XDH: variants seen among roughly 807,000 people sequenced by gnomAD.
XDH encodes the protein xanthine dehydrogenase/oxidase.
A neutral mutation model predicts 156.1 loss-of-function variants in XDH; 138 were observed. The observed-to-expected ratio is 0.88, with a 90% CI of 0.77 to 1.02. XDH has a LOEUF of 1.02. Among genes scored for constraint, XDH ranks in the 50% least tolerant of loss-of-function variants. The pLI is 0.00. For synonymous variants in XDH, 669 were observed against 625.7 expected (o/e 1.07, Z -1.03); for missense variants, 1,849 against 1,684.9 (o/e 1.10, Z -1.71).
At chr2:31,382,581 C>T (rs3769618) in intron 11 of XDH, among the ~76,000 whole-genome samples, 51,896 of 151,944 alleles carry the variant, frequency 0.34, 9,040 homozygotes, top group African/African-American at 0.35. Flanking sequence ...GTCTCTGGTT[C>T]TCCCTATAGC....
At chr2:31,385,127 TTGAGGTGAGCTATGGTGACA>T (rs1157379261) in intron 9 of XDH, among the ~76,000 whole-genome samples, 1 of 152,108 alleles carries the variant, frequency 6.6e-6, no homozygotes, top group Non-Finnish European at 1.5e-5. Context: ...GCCCATGAGT[TTGAGGTGAGCTATGGTGACA>T]TTGCACCACT....
At chr2:31,360,941 T>C (rs1685761716) in intron 24 of XDH, among the ~76,000 whole-genome samples, 2 of 152,260 alleles carry the variant, frequency 1.3e-5, no homozygotes, top group South Asian at 4.1e-4. Flanking sequence ...GGGAGACTAC[T>C]GTGTTACATT....
At chr2:31,379,399 C>T (rs561199618) in intron 13 of XDH, among the ~76,000 whole-genome samples, 34 of 152,290 alleles carry the variant, frequency 2.2e-4, no homozygotes, top group Non-Finnish European at 4.1e-4. Context: ...TTCTTTACCA[C>T]GGGAAAGCAA....
At position 31,334,980 on chromosome 2, in the gene XDH, C is replaced by T. The variant is rs1228429306; in HGVS notation, c.*978G>A. The T allele has an allele frequency of 1.3e-5, 2 of 152,160 alleles. No homozygotes were observed. Among genetic ancestry groups the T allele is most frequent in the African/African-American group, 2.4e-5 (1 of 41,428 alleles). 9.4% of individuals were successfully genotyped at this position (152,160 alleles called of 1,614,324 possible). ...AACCTCCTGAGCTCAAATGATCTCT[C>T]CACCTCAGCCTTTCAAGTAGTTGGG... On this transcript the variant is annotated 3_prime_UTR_variant, in exon 36 of 36. Coordinates refer to ENST00000379416, the MANE Select transcript of XDH (RefSeq NM_000379.4).
chr2:31,357,577 G>A (rs765322955), intron 24 of XDH, among the ~76,000 whole-genome samples: 1 of 151,950 alleles, frequency 6.6e-6, no homozygotes, highest in Non-Finnish European at 1.5e-5. Flanking sequence ...GGATAAAATG[G>A]GGATGGTTAA....
intron 22 of XDH, 104 bp from the exon 23 acceptor site, chr2:31,365,648 A>G: frequency 7.4e-7 from 1 of 1,352,482 alleles, no homozygotes; most frequent in Non-Finnish European, 1.1e-6. Flanking sequence ...TTCCACCTGC[A>G]CGCTGAGCAG....
chr2:31,339,031 A>G (rs1018559349), intron 34 of XDH, among the ~76,000 whole-genome samples: 1 of 151,900 alleles, frequency 6.6e-6, no homozygotes, highest in Non-Finnish European at 1.5e-5. Flanking sequence ...AGCCTGATCA[A>G]GTCTTAAGGT....
chr2:31,392,779 C>T (rs1686802610), intron 6 of XDH, among the ~76,000 whole-genome samples: 1 of 152,174 alleles, frequency 6.6e-6, no homozygotes. Context: ...ATAAATTTCC[C>T]TCTAAGCATT....
At chr2:31,395,865 G>T (rs1686889581) in intron 6 of XDH, among the ~76,000 whole-genome samples, 1 of 152,140 alleles carries the variant, frequency 6.6e-6, no homozygotes, top group Non-Finnish European at 1.5e-5. Context: ...AGACTCCTAA[G>T]CTGCTTACAT....
Position 31,342,265 on chromosome 2 carries a change from T to G in XDH, c.3437A>C (p.Asn1146Thr). The change falls in exon 32 of 36, where the codon AAC (asparagine) becomes ACC (threonine). Residue 1146 changes from asparagine to threonine, a missense_variant. By Grantham distance (65) the Asn-to-Thr change is moderately conservative. Coordinates refer to ENST00000379416, the MANE Select transcript of XDH (RefSeq NM_000379.4). The stretch of plus-strand genomic sequence containing the variant: ...GAAGTAGTGGAAGGGGTTCCCTGAG[T>G]TAGTCTCAAAGCTGTAGCCCAGATT... ...TPNLGYSFET[N>T]SGNPFHYFSY... The G allele has an allele frequency of 6.2e-7, 1 of 1,614,106 alleles. No individual in the cohort carries two copies. The highest frequency in any genetic ancestry group is 1.1e-5 in the South Asian group (1 of 91,072).
At chr2:31,381,124 G>A (rs1686427238) in intron 12 of XDH, among the ~76,000 whole-genome samples, 1 of 151,904 alleles carries the variant, frequency 6.6e-6, no homozygotes, top group South Asian at 2.1e-4. Flanking sequence ...GCCTCTCAAG[G>A]AACTGGGACT....
chr2:31,346,291 C>A (rs1685286076), intron 30 of XDH, among the ~76,000 whole-genome samples: 1 of 152,284 alleles, frequency 6.6e-6, no homozygotes, highest in Admixed American at 6.5e-5. Flanking sequence ...TTCTGTCATT[C>A]CCCAAATCAC....
In XDH at chr2:31,346,732, T is replaced by C. The variant is rs374071949; in HGVS notation, c.3351+37A>G. 3 of 1,613,530 alleles carry C rather than the reference T, an allele frequency of 1.9e-6. No homozygotes were observed. The African/African-American group carries it at 4.0e-5, about 22-fold the overall frequency. On this transcript the variant is annotated intron_variant, in intron 30 of 35. Transcript: ENST00000379416. ...GGAGGCCCTGCTGTCAATTTCCCTC[T>C]CCTTTGCAAACGTGACTTGGATCAG...
chr2:31,378,334 C>T (rs942376336), intron 13 of XDH, among the ~76,000 whole-genome samples: 1 of 152,096 alleles, frequency 6.6e-6, no homozygotes, highest in African/African-American at 2.4e-5. Context: ...AGCTATTTTC[C>T]AGGAAAGAGC....
intron 17 of XDH, among the ~76,000 whole-genome samples, chr2:31,371,320 T>C (rs779588739): frequency 2.6e-5 from 4 of 152,196 alleles, no homozygotes; most frequent in Non-Finnish European, 5.9e-5. Context: ...TTATCCTAAT[T>C]CCCATTTTAT....
intron 28 of XDH, 48 bp downstream of exon 28, chr2:31,348,220 C>G (rs924705387): frequency 2.5e-6 from 4 of 1,591,510 alleles, no homozygotes; most frequent in Non-Finnish European, 8.6e-7. Context: ...ATTTCTTATA[C>G]CACTTCCTCT....
intron 31 of XDH, among the ~76,000 whole-genome samples, chr2:31,342,961 G>C (rs1374128222): frequency 6.6e-6 from 1 of 151,966 alleles, no homozygotes; most frequent in African/African-American, 2.4e-5. Context: ...CTATGCATTT[G>C]TGCATGTGTA....
intron 11 of XDH, among the ~76,000 whole-genome samples, chr2:31,382,731 CTA>C (rs1389757098): frequency 2.6e-5 from 4 of 152,272 alleles, no homozygotes; most frequent in Non-Finnish European, 2.9e-5. Context: ...AGAATGAAGC[CTA>C]TGAGTCGTGG....
At chr2:31,349,089 T>G in intron 26 of XDH, 109 bp from the exon 27 acceptor site, 1 of 1,074,642 alleles carries the variant, frequency 9.3e-7, no homozygotes. Flanking sequence ...CCCACAAAGA[T>G]GAGAACAGTC....
Sources: allele counts gnomAD v4.1 joint callset (sites outside exome capture counted in the v4.1 genomes callset), GRCh38; gene constraint gnomAD v4.1.1; transcripts MANE v1.5; gene names NCBI Gene and HGNC (gene_info 2026-07-23, HGNC 2026-07-21).